Variants in OPLAH observed in about 807,000 individuals in gnomAD.
OPLAH encodes 5-oxoprolinase, ATP-hydrolysing.
Under a neutral mutation model 122.8 loss-of-function variants are expected in OPLAH, and 103 were observed. The observed-to-expected ratio is 0.84, with a 90% confidence interval of 0.71 to 0.99. The LOEUF (loss-of-function observed/expected upper bound fraction) is 0.99. Among genes scored for constraint, OPLAH ranks in the 50% least tolerant of loss-of-function variants. The probability of loss-of-function intolerance (pLI) is 0.00; values close to 1 mark genes in which losing one functional copy is unlikely to be tolerated. For missense variants in OPLAH, 1,902 were observed against 1,836.5 expected (o/e 1.04, Z -0.65); for synonymous variants, 875 against 796.0 (o/e 1.10, Z -1.67).
rs782599202 is a variant in OPLAH at position 144,059,922 on chromosome 8, T to C, written c.111A>G (p.Ser37=). 1.2e-6 allele frequency: 2 copies of C among 1,612,814 alleles called. No individual in the cohort carries two copies. The highest frequency in any genetic ancestry group is 1.7e-6 in the Non-Finnish European group (2 of 1,179,844). ...GGHVRVLKLL[S]EDPANYADAP... ...CGTCCGCATAGTTGGCAGGGTCCTC[T>C]GAGAGCAGTTTTAAGACCCGCACGT... The change falls in exon 2 of 27, where the codon TCA becomes TCG. Residue 37 remains serine, a synonymous_variant. Transcript: ENST00000618853.
chr8:144,061,594 C>T (rs932691498), upstream of OPLAH, among the ~76,000 whole-genome samples: 1 of 152,168 alleles, frequency 6.6e-6, no homozygotes, highest in Admixed American at 6.5e-5. Flanking sequence ...CCAAAACCAT[C>T]GTCCTACACT....
In OPLAH at chr8:144,051,573, G is replaced by A. The variant is rs1835376892; in HGVS notation, c.3721-101C>T. On this transcript the variant is annotated intron_variant, in intron 26 of 26. Coordinates refer to ENST00000618853, the MANE Select transcript of OPLAH (RefSeq NM_017570.5). The stretch of plus-strand genomic sequence containing the variant: ...CCCCACCGGGCAGCGTCCATCACCC[G>A]CCCCCATGGACCACGGAGGCCCGGT... The A allele has an allele frequency of 2.5e-6, 3 of 1,196,158 alleles. No individual in the cohort carries two copies. In the East Asian group the frequency reaches 7.7e-5, roughly 31 times the overall value. The allele number at this position is 1,196,158 out of a possible 1,614,324, so 74.1% of individuals were successfully genotyped here.
rs1554758915 is a variant in OPLAH at position 144,055,969 on chromosome 8, T to A, written c.2097-30A>T. 4 of 1,535,382 alleles carry A rather than the reference T, an allele frequency of 2.6e-6. No homozygotes were observed. In the South Asian group the frequency reaches 3.7e-5, roughly 14 times the overall value. On this transcript the variant is annotated intron_variant, in intron 15 of 26. Transcript: ENST00000618853. The surrounding 1 kb of genome is among the most constrained non-coding windows in gnomAD (Gnocchi z 6.5). ...GGAGCAGAGGGCACAGAGGGCTGCATGGGGCCAGGCGACACCCCTCCAACC... is the reference window on the plus strand; with the variant it reads ...GGAGCAGAGGGCACAGAGGGCTGCAAGGGGCCAGGCGACACCCCTCCAACC...
rs781912279 is a variant in OPLAH at position 144,057,861 on chromosome 8, C to T, written c.1151G>A (p.Arg384His). 3.1e-5 allele frequency: 50 copies of T among 1,610,968 alleles called. No homozygotes were observed. The highest frequency in any genetic ancestry group is 3.7e-5 in the Non-Finnish European group (44 of 1,179,230). Residue 384 changes from arginine (R) to histidine (H), a missense_variant, in exon 9 of 27, where the codon CGC (arginine) becomes CAC (histidine). Physicochemically the swap from Arg to His is conservative, Grantham distance 29 (BLOSUM62 0). Coordinates refer to ENST00000618853, the MANE Select transcript of OPLAH (RefSeq NM_017570.5). ...AGAHPGPACYRKGGPVTVTDA... is the reference protein window; with the variant it reads ...AGAHPGPACYHKGGPVTVTDA... Reference sequence around the variant, plus strand: ...GGCCAGATCCTGACTCTTACCTTTGCGGTAGCAGGCGGGTCCTGGGTGGGC... The same window carrying T: ...GGCCAGATCCTGACTCTTACCTTTGTGGTAGCAGGCGGGTCCTGGGTGGGC...
chr8:144,053,495 C>A (rs140470249), intron 19 of OPLAH, 102 bp from the exon 20 acceptor site: 5 of 1,186,952 alleles, frequency 4.2e-6, no homozygotes, highest in Non-Finnish European at 5.9e-6. Flanking sequence ...TAGAAAGCAC[C>A]GAGGCCTGGC....
At position 144,051,487 on chromosome 8, in the gene OPLAH, GGGGGCGGGGA is replaced by G; in HGVS notation, c.3721-25_3721-16del. On this transcript the variant is annotated splice_polypyrimidine_tract_variant and intron_variant, in intron 26 of 26. Transcript: ENST00000618853. ...CAGAACACATCCTGTTGGCGCGGGG[GGGGGCGGGGA>G]GGCGGGCTCAGTGCAGGCGTGGCCC... 2.0e-6 allele frequency: 3 copies of G among 1,470,002 alleles called. No individual in the cohort carries two copies. Among genetic ancestry groups the G allele is most frequent in the Non-Finnish European group, 2.7e-6 (3 of 1,104,442 alleles). The allele number at this position is 1,470,002 out of a possible 1,614,324, so 91.1% of individuals were successfully genotyped here. A position where few individuals can be genotyped will look rare whatever the true frequency, so the allele number is the denominator to read the frequency against.
Position 144,055,600 on chromosome 8 carries a change from G to A in OPLAH, c.2248+188C>T, listed in dbSNP as rs1554758774. Among the ~76,000 whole-genome samples the A allele has an allele frequency of 2.0e-5, 3 of 152,270 alleles. No individual in the cohort carries two copies. Among genetic ancestry groups the A allele is most frequent in the Middle Eastern group, 3.4e-3 (1 of 294 alleles). ...GGATCACATGGCTGCAGGTAAGGGG[G>A]GAAGGTGTCCTCCCTGCCCAAGGTT... On this transcript the variant is annotated intron_variant, in intron 16 of 26. Coordinates refer to ENST00000618853, the MANE Select transcript of OPLAH (RefSeq NM_017570.5). The surrounding 1 kb of genome is among the most constrained non-coding windows in gnomAD (Gnocchi z 6.5).
intron 21 of OPLAH, 37 bp from the exon 22 acceptor site, chr8:144,052,937 C>T (rs1481762608): frequency 1.3e-6 from 2 of 1,569,168 alleles, no homozygotes; most frequent in East Asian, 2.4e-5. Flanking sequence ...CTGTCAGCGG[C>T]CGCACCGTGC....
chr8:144,058,491 C>T lies in OPLAH; in HGVS notation c.783+5G>A. ...GTGGGCAGTGGGGGTGCCTCACAGC[C>T]TCACCTTGAGTTGGCCCTGGAAGCC... On this transcript the variant is annotated splice_donor_5th_base_variant and intron_variant, in intron 6 of 26. Transcript: ENST00000618853. 6.3e-7 allele frequency: 1 copy of T among 1,577,868 alleles called. No homozygotes were observed. The highest frequency in any genetic ancestry group is 8.6e-7 in the Non-Finnish European group (1 of 1,165,654).
Position 144,053,143 on chromosome 8 carries a change from G to A in OPLAH, c.2872-14C>T, listed in dbSNP as rs782254773. On this transcript the variant is annotated splice_polypyrimidine_tract_variant and intron_variant, in intron 20 of 26. Transcript: ENST00000618853. ...CTCAGCGTTTGCCTGGCAGGGAGCA[G>A]GATCAGTGGTGGCCAGGTCACCTGC... 51 of 1,607,796 alleles carry A rather than the reference G, an allele frequency of 3.2e-5. No homozygotes were observed. Among genetic ancestry groups the A allele is most frequent in the Non-Finnish European group, 4.2e-5 (49 of 1,177,758 alleles).
At position 144,059,758 on chromosome 8, in the gene OPLAH, C is replaced by T. The variant is rs141015149; in HGVS notation, c.204G>A (p.Pro68=). The change falls in exon 3 of 27, where the codon CCG becomes CCA. Residue 68 remains proline, a synonymous_variant. Coordinates refer to ENST00000618853, the MANE Select transcript of OPLAH (RefSeq NM_017570.5). ...TGCTGGCGATATGACTGGAGTCCAG[C>T]GGCTGGTCCCGGGGCAGGAGCATGC... is the stretch of plus-strand genomic sequence containing the variant. The part of the protein sequence containing the change: ...EAGMLLPRDQ[P]LDSSHIASIR... The T allele has an allele frequency of 7.3e-5, 118 of 1,609,160 alleles. 2 individuals are homozygous for T. The African/African-American group carries it at 1.4e-3, about 19-fold the overall frequency.
rs782229196 is a variant in OPLAH, at chr8:144,055,238, T to C, written c.2249-49A>G. The C allele has an allele frequency of 6.9e-6, 10 of 1,453,422 alleles. No individual in the cohort carries two copies. The highest frequency in any genetic ancestry group is 2.3e-4 in the Middle Eastern group (1 of 4,412). The allele number at this position is 1,453,422 out of a possible 1,614,324, so 90.0% of individuals were successfully genotyped here. ...CCGCTGGCCCCACCCACCCACAGCCTGGCCCCAGGAAAGGGAGGAACAGGA... is the reference window on the plus strand; with the variant it reads ...CCGCTGGCCCCACCCACCCACAGCCCGGCCCCAGGAAAGGGAGGAACAGGA... On this transcript the variant is annotated intron_variant, in intron 16 of 26. Coordinates refer to ENST00000618853, the MANE Select transcript of OPLAH (RefSeq NM_017570.5). This position sits in a 1 kb window ranked among gnomAD's most constrained non-coding sequence, Gnocchi z 6.5.
rs1464612742 is a variant in OPLAH, at chr8:144,058,816, G to A, written c.544C>T (p.Arg182Ter). 11 of 1,598,476 alleles carry A rather than the reference G, an allele frequency of 6.9e-6. No homozygotes were observed. The highest frequency in any genetic ancestry group is 1.1e-5 in the South Asian group (1 of 88,906). The change falls in exon 5 of 27, where the codon CGA becomes TGA. Residue 182 changes from arginine to a stop codon, truncating the protein, a stop_gained. Coordinates refer to ENST00000618853, the MANE Select transcript of OPLAH (RefSeq NM_017570.5). LOFTEE classifies it high-confidence loss of function. Reference sequence around the variant, plus strand: ...ACCACAGCCAGGCTGCGGATGCCTCGAGATAGCAGCCCCTCCAGCTTCCCA... The same window carrying A: ...ACCACAGCCAGGCTGCGGATGCCTCAAGATAGCAGCCCCTCCAGCTTCCCA... ...LRGKLEGLLS[R>*]GIRSLAVVLM...
At position 144,059,810 on chromosome 8, in the gene OPLAH, T is replaced by C; in HGVS notation, c.172-20A>G. 2 of 1,610,316 alleles carry C rather than the reference T, an allele frequency of 1.2e-6. No individual in the cohort carries two copies. Among genetic ancestry groups the C allele is most frequent in the Non-Finnish European group, 1.7e-6 (2 of 1,179,190 alleles). ...GGCCTCCTGGGGACCACGTGGTCAGTGTGGGGCTTCTGGCCGTGGGGTCCC... is the reference window on the plus strand; with the variant it reads ...GGCCTCCTGGGGACCACGTGGTCAGCGTGGGGCTTCTGGCCGTGGGGTCCC... On this transcript the variant is annotated intron_variant, in intron 2 of 26. Coordinates refer to ENST00000618853, the MANE Select transcript of OPLAH (RefSeq NM_017570.5).
rs1461448880 is a variant in OPLAH at position 144,057,037 on chromosome 8, G to A, written c.1617C>T (p.Tyr539=). Residue 539 remains tyrosine, a synonymous_variant, in exon 12 of 27, where the codon TAC becomes TAT. Coordinates refer to ENST00000618853, the MANE Select transcript of OPLAH (RefSeq NM_017570.5). ...HEAQEPCSLL[Y]APETFVQLDQ... ...CCAGCTGCACGAAGGTCTCAGGCGCGTAGAGCAGGGAGCAGGGTTCCTGTG... is the reference window on the plus strand; with the variant it reads ...CCAGCTGCACGAAGGTCTCAGGCGCATAGAGCAGGGAGCAGGGTTCCTGTG... The A allele has an allele frequency of 2.1e-5, 33 of 1,600,438 alleles. No homozygotes were observed. Among genetic ancestry groups the A allele is most frequent in the Middle Eastern group, 1.6e-4 (1 of 6,072 alleles).
Position 144,057,550 on chromosome 8 carries a change from G to A in OPLAH, c.1320C>T (p.Asn440=), listed in dbSNP as rs547187367. ...VATEVNSFLT[N]GPCPASPLSL... ...TCAGCGGGGAGGCCGGGCAGGGCCC[G>A]TTGGTCAGGAAGCTGTTGACCTCAG... Residue 440 remains asparagine (N), a synonymous_variant, in exon 10 of 27, where the codon AAC becomes AAT. Coordinates refer to ENST00000618853, the MANE Select transcript of OPLAH (RefSeq NM_017570.5). The A allele has an allele frequency of 2.9e-5, 46 of 1,589,876 alleles. No individual in the cohort carries two copies. In the East Asian group the frequency reaches 6.7e-4, roughly 23 times the overall value.
chr8:144,056,113 C>A, intron 15 of OPLAH, 34 bp downstream of exon 15: 1 of 1,585,544 alleles, frequency 6.3e-7, no homozygotes, highest in Non-Finnish European at 8.6e-7. Context: ...GTGGACCCGT[C>A]CACATCCTCC....
intron 22 of OPLAH, 58 bp from the exon 23 acceptor site, chr8:144,052,656 C>A (rs1180258330): frequency 6.5e-7 from 1 of 1,536,116 alleles, no homozygotes; most frequent in South Asian, 1.2e-5. Context: ...AGAAACAGCA[C>A]CCCACCCCCC....
intron 2 of OPLAH, 27 bp downstream of exon 2, chr8:144,059,835 C>T (rs1474104274): frequency 6.2e-7 from 1 of 1,611,812 alleles, no homozygotes; most frequent in Admixed American, 1.7e-5. Flanking sequence ...CGTGGGGTCC[C>T]TGTCCACCCG....
Sources: allele counts gnomAD v4.1 joint callset (sites outside exome capture counted in the v4.1 genomes callset), GRCh38; gene constraint gnomAD v4.1.1; non-coding constraint Gnocchi (gnomAD v3.1); transcripts MANE v1.5; gene names NCBI Gene and HGNC (gene_info 2026-07-23, HGNC 2026-07-21).